Variants in THSD7A observed in about 807,000 individuals in gnomAD.
THSD7A encodes the protein thrombospondin type-1 domain-containing protein 7A.
Under a neutral mutation model 231.3 loss-of-function variants are expected in THSD7A, and 96 were observed. That is an observed-to-expected ratio of 0.41 (90% CI 0.35 to 0.49). The LOEUF (loss-of-function observed/expected upper bound fraction) is 0.49, where lower values mean the gene tolerates loss of function less well. Ranked by LOEUF, THSD7A falls within the 20% of genes least tolerant of loss-of-function variation. The pLI is 0.05. For synonymous variants in THSD7A, 940 were observed against 743.3 expected (o/e 1.26, Z -4.30); for missense variants, 2,290 against 2,070.2 (o/e 1.11, Z -2.06).
chr7:11,376,217 T>C (rs1161458862), intron 27 of THSD7A, among the ~76,000 whole-genome samples: 1 of 152,150 alleles, frequency 6.6e-6, no homozygotes, highest in Non-Finnish European at 1.5e-5. Flanking sequence ...TTATAAATTA[T>C]ACATGTTTTA....
intron 4 of THSD7A, among the ~76,000 whole-genome samples, chr7:11,559,604 G>A (rs1562718530): frequency 6.6e-6 from 1 of 151,724 alleles, no homozygotes; most frequent in African/African-American, 2.4e-5. Flanking sequence ...TAACAAAACT[G>A]TTGCAATAAA....
chr7:11,518,871 T>C (rs1935984411), intron 6 of THSD7A, among the ~76,000 whole-genome samples: 1 of 152,216 alleles, frequency 6.6e-6, no homozygotes, highest in African/African-American at 2.4e-5. Flanking sequence ...GAGGATCATA[T>C]AGAAACATAT....
rs1394056006 is a variant in THSD7A at position 11,634,445 on chromosome 7, T to C, written c.1022+1685A>G. On this transcript the variant is annotated intron_variant, in intron 2 of 27. Coordinates refer to ENST00000423059, the MANE Select transcript of THSD7A (RefSeq NM_015204.3). This position sits in a 1 kb window ranked among gnomAD's most constrained non-coding sequence, Gnocchi z 4.1. ...AAACAACTCAACTTGTCTTGGAGAC[T>C]CATTCAATTATTTGATGTCAGCCAA... Among the ~76,000 whole-genome samples the C allele has an allele frequency of 6.6e-6, 1 of 152,326 alleles. No individual in the cohort carries two copies. The highest frequency in any genetic ancestry group is 1.9e-4 in the East Asian group (1 of 5,194).
intron 4 of THSD7A, among the ~76,000 whole-genome samples, chr7:11,583,218 T>C (rs539513512): frequency 7.2e-4 from 109 of 152,300 alleles, no homozygotes; most frequent in Non-Finnish European, 1.2e-3. Flanking sequence ...TTATTTTTAA[T>C]CTTGTAAAGT....
chr7:11,587,711 T>C (rs1330503953), intron 4 of THSD7A, among the ~76,000 whole-genome samples: 14 of 152,186 alleles, frequency 9.2e-5, no homozygotes, highest in Admixed American at 9.2e-4. Flanking sequence ...GTGTGTCACT[T>C]AGTAGTACAG....
At chr7:11,758,162 A>C (rs17165181) in intron 1 of THSD7A, among the ~76,000 whole-genome samples, 31,354 of 151,510 alleles carry the variant, frequency 0.21, 4,365 homozygotes, top group African/African-American at 0.4. Flanking sequence ...AATGGTGGAA[A>C]CTGAACTGTT....
At position 11,588,238 on chromosome 7, in the gene THSD7A, C is replaced by T. The variant is rs372625385; in HGVS notation, c.1453+2222G>A. On this transcript the variant is annotated intron_variant, in intron 4 of 27. Transcript: ENST00000423059. ...ACATATTTATAGACTTCGCATGTCA[C>T]CCCTGGGATGCTGGTATACTGAGTA... is the stretch of plus-strand genomic sequence containing the variant. Among the ~76,000 whole-genome samples, 21 of 152,266 alleles carry T rather than the reference C, an allele frequency of 1.4e-4. No individual in the cohort carries two copies. In the South Asian group the frequency reaches 3.9e-3, roughly 29 times the overall value.
intron 1 of THSD7A, among the ~76,000 whole-genome samples, chr7:11,815,163 T>C (rs939131249): frequency 4.6e-5 from 7 of 152,172 alleles, no homozygotes; most frequent in Admixed American, 3.3e-4. Flanking sequence ...GATATGATTG[T>C]CAAAGGCAAA....
chr7:11,470,261 T>C (rs1785882554), intron 8 of THSD7A, among the ~76,000 whole-genome samples: 1 of 152,112 alleles, frequency 6.6e-6, no homozygotes, highest in South Asian at 2.1e-4. Flanking sequence ...ATAACACTTA[T>C]ACCTTATCCT....
chr7:11,760,966 AT>A (rs932190490), intron 1 of THSD7A, among the ~76,000 whole-genome samples: 2 of 147,950 alleles, frequency 1.4e-5, no homozygotes, highest in African/African-American at 4.9e-5. Flanking sequence ...ATAAATTATA[AT>A]TTATATATTT....
At chr7:11,392,927 G>C (rs1031403671) in intron 23 of THSD7A, among the ~76,000 whole-genome samples, 1 of 152,202 alleles carries the variant, frequency 6.6e-6, no homozygotes, top group African/African-American at 2.4e-5. Context: ...GGATAGGATA[G>C]AGCACCTGGG....
chr7:11,474,337 T>C lies in THSD7A; in HGVS notation c.2249A>G (p.Lys750Arg). ...GTTGTCATTCTAAAGCTCTTACTTT[T>C]TGGGTCCCACTTGGCCCACATTGAC... ...VRVNVGQVGP[K>R]KCPESLRPET... Residue 750 changes from lysine (K) to arginine (R), a missense_variant, in exon 8 of 28, where the codon AAA (lysine) becomes AGA (arginine). Transcript: ENST00000423059. This position sits in a 1 kb window ranked among gnomAD's most constrained non-coding sequence, Gnocchi z 4.1. 6.2e-7 allele frequency: 1 copy of C among 1,608,008 alleles called. No individual in the cohort carries two copies. Among genetic ancestry groups the C allele is most frequent in the Non-Finnish European group, 8.5e-7 (1 of 1,176,182 alleles).
intron 4 of THSD7A, among the ~76,000 whole-genome samples, chr7:11,556,499 A>T (rs1789852582): frequency 1.3e-5 from 2 of 151,796 alleles, no homozygotes; most frequent in Non-Finnish European, 1.5e-5. Flanking sequence ...TCAACTGTCA[A>T]ATATAATTTA....
At chr7:11,479,633 G>A (rs868498171) in intron 7 of THSD7A, among the ~76,000 whole-genome samples, 14 of 147,916 alleles carry the variant, frequency 9.5e-5, no homozygotes, top group African/African-American at 3.4e-4. Flanking sequence ...TTCAGAATTA[G>A]GAAAGATTTA....
chr7:11,485,970 GA>G (rs1338215037), intron 6 of THSD7A, among the ~76,000 whole-genome samples: 17 of 152,246 alleles, frequency 1.1e-4, no homozygotes, highest in African/African-American at 3.8e-4. Flanking sequence ...CAGCTAATTG[GA>G]ACCCTTAGGA....
At chr7:11,669,378 T>C (rs2128377466) in intron 1 of THSD7A, among the ~76,000 whole-genome samples, 1 of 152,134 alleles carries the variant, frequency 6.6e-6, no homozygotes, top group South Asian at 2.1e-4. Context: ...TATTACACCA[T>C]GTGCTAGAGA....
At chr7:11,475,326 G>T (rs566010002) in intron 7 of THSD7A, among the ~76,000 whole-genome samples, 7 of 152,030 alleles carry the variant, frequency 4.6e-5, no homozygotes, top group African/African-American at 1.4e-4. Flanking sequence ...TGGGGGTACC[G>T]AATTGGAACA....
chr7:11,709,749 T>C (rs1442942416), intron 1 of THSD7A, among the ~76,000 whole-genome samples: 2 of 150,882 alleles, frequency 1.3e-5, no homozygotes, highest in Non-Finnish European at 3.0e-5. Flanking sequence ...TAAATACTTA[T>C]ATTTAGAAGG....
At chr7:11,417,749 C>T (rs1784010964) in intron 16 of THSD7A, 146 bp from the exon 17 acceptor site, 1 of 749,550 alleles carries the variant, frequency 1.3e-6, no homozygotes, top group South Asian at 2.3e-5. Flanking sequence ...GCTTTGTTAT[C>T]TAATAAAATT....
Sources: gnomAD v4.1 joint callset for allele counts (sites outside exome capture counted in the v4.1 genomes callset) on GRCh38, gnomAD v4.1.1 for gene constraint, Gnocchi (gnomAD v3.1) non-coding constraint, MANE v1.5 for transcripts, NCBI Gene and HGNC (gene_info 2026-07-23, HGNC 2026-07-21) for gene names.